FHOD3: variants seen among roughly 807,000 people sequenced by gnomAD.
FHOD3 encodes formin homology 2 domain containing 3, also known as FH1/FH2 domain-containing protein 3.
A neutral mutation model predicts 173.0 loss-of-function variants in FHOD3; 90 were observed. That is an observed-to-expected ratio of 0.52 (90% CI 0.44 to 0.62). FHOD3 has a LOEUF of 0.62. Among genes scored for constraint, FHOD3 ranks in the 20% least tolerant of loss-of-function variants. The probability of loss-of-function intolerance (pLI) is 0.00; values close to 1 mark genes in which losing one functional copy is unlikely to be tolerated. For missense variants in FHOD3, 1,945 were observed against 2,034.7 expected (o/e 0.96, Z 0.85); for synonymous variants, 828 against 823.0 (o/e 1.01, Z -0.10).
intron 17 of FHOD3, among the ~76,000 whole-genome samples, chr18:36,705,170 T>G (rs2039803827): frequency 1.3e-5 from 2 of 152,066 alleles, no homozygotes; most frequent in Non-Finnish European, 2.9e-5. Context: ...TCACTGTCCT[T>G]AGAGTAAAGT....
intron 16 of FHOD3, among the ~76,000 whole-genome samples, chr18:36,690,668 G>A (rs1040044604): frequency 3.9e-5 from 6 of 152,034 alleles, no homozygotes; most frequent in Non-Finnish European, 4.4e-5. Flanking sequence ...GCAGATGAAC[G>A]CTGCTGCTGC....
intron 5 of FHOD3, among the ~76,000 whole-genome samples, chr18:36,535,147 T>C (rs570328647): frequency 5.9e-5 from 9 of 152,312 alleles, no homozygotes; most frequent in Admixed American, 2.6e-4. Context: ...CCCTGAAGCA[T>C]TGGGCTGTGA....
intron 9 of FHOD3, among the ~76,000 whole-genome samples, chr18:36,618,640 G>A (rs2033447506): frequency 6.6e-6 from 1 of 152,124 alleles, no homozygotes; most frequent in Admixed American, 6.6e-5. Flanking sequence ...AAAAGGTGCT[G>A]TTGGAATTCT....
chr18:36,512,407 T>A (rs751313305), intron 4 of FHOD3, 31 bp from the exon 5 acceptor site: 140 of 1,515,902 alleles, frequency 9.2e-5, no homozygotes, highest in Non-Finnish European at 1.2e-4. Flanking sequence ...AGGGACAGTA[T>A]TTGAAGTATT....
At chr18:36,310,408 G>A (rs1024854527) in intron 1 of FHOD3, among the ~76,000 whole-genome samples, 9 of 152,094 alleles carry the variant, frequency 5.9e-5, no homozygotes, top group African/African-American at 1.2e-4. Context: ...ACTTGGGGCC[G>A]GGTGCAGTGG....
At chr18:36,629,126 G>A (rs572071889) in intron 10 of FHOD3, among the ~76,000 whole-genome samples, 1 of 152,320 alleles carries the variant, frequency 6.6e-6, no homozygotes, top group South Asian at 2.1e-4. Context: ...AACTGGTTAG[G>A]GAGTGGAGGG....
chr18:36,662,880 G>A (rs1006249474), intron 14 of FHOD3, among the ~76,000 whole-genome samples: 6 of 152,134 alleles, frequency 3.9e-5, no homozygotes, highest in Middle Eastern at 3.4e-3. Flanking sequence ...CAATCCCCTG[G>A]TAACCATCAT....
At chr18:36,431,383 G>A (rs941593746) in intron 3 of FHOD3, among the ~76,000 whole-genome samples, 7 of 152,184 alleles carry the variant, frequency 4.6e-5, no homozygotes, top group African/African-American at 1.7e-4. Context: ...GATGGTAAGA[G>A]GGACTGGGAA....
At chr18:36,462,488 C>T (rs981342550) in intron 3 of FHOD3, among the ~76,000 whole-genome samples, 6 of 152,172 alleles carry the variant, frequency 3.9e-5, no homozygotes, top group South Asian at 2.1e-4. Flanking sequence ...CCTGCCACCA[C>T]GCCCAGCTAA....
At chr18:36,363,220 T>G (rs2046721434) in intron 2 of FHOD3, among the ~76,000 whole-genome samples, 1 of 152,352 alleles carries the variant, frequency 6.6e-6, no homozygotes, top group South Asian at 2.1e-4. Context: ...ACACGGCCAC[T>G]TTGGAAGACA....
intron 3 of FHOD3, among the ~76,000 whole-genome samples, chr18:36,461,390 A>G (rs2052544498): frequency 6.6e-6 from 1 of 151,644 alleles, no homozygotes; most frequent in Non-Finnish European, 1.5e-5. Flanking sequence ...CTGGGAATAA[A>G]GTTTTTTACT....
intron 5 of FHOD3, among the ~76,000 whole-genome samples, chr18:36,558,378 G>A (rs1354501572): frequency 6.6e-6 from 1 of 152,132 alleles, no homozygotes; most frequent in Non-Finnish European, 1.5e-5. Flanking sequence ...GCTGTCTAGT[G>A]TCTTGAAAAG....
At chr18:36,649,748 C>A (rs534937944) in intron 11 of FHOD3, among the ~76,000 whole-genome samples, 17 of 152,218 alleles carry the variant, frequency 1.1e-4, no homozygotes, top group Admixed American at 2.0e-4. Context: ...AGATTCTTGC[C>A]CTTTCAGCAT....
intron 8 of FHOD3, among the ~76,000 whole-genome samples, chr18:36,603,211 A>G (rs1343189227): frequency 6.6e-6 from 1 of 152,208 alleles, no homozygotes; most frequent in Non-Finnish European, 1.5e-5. Flanking sequence ...TATAGTAGCC[A>G]TAGGGAACTA....
chr18:36,491,033 G>A (rs1215755051), intron 3 of FHOD3, among the ~76,000 whole-genome samples: 1 of 152,180 alleles, frequency 6.6e-6, no homozygotes, highest in Admixed American at 6.5e-5. Flanking sequence ...ACTGCCAGGG[G>A]CTGGAGGGAA....
intron 10 of FHOD3, among the ~76,000 whole-genome samples, chr18:36,638,801 A>G (rs2035072560): frequency 6.6e-6 from 1 of 152,154 alleles, no homozygotes; most frequent in African/African-American, 2.4e-5. Context: ...CATTAGAGAC[A>G]GTGTCAGTCA....
At chr18:36,502,280 G>A (rs1165452470) in intron 4 of FHOD3, among the ~76,000 whole-genome samples, 3 of 139,030 alleles carry the variant, frequency 2.2e-5, no homozygotes, top group African/African-American at 7.6e-5. Flanking sequence ...TTAAGTTCTG[G>A]GACACATGTG....
chr18:36,621,669 C>T (rs1317159347), intron 9 of FHOD3, among the ~76,000 whole-genome samples: 1 of 152,130 alleles, frequency 6.6e-6, no homozygotes, highest in Non-Finnish European at 1.5e-5. Context: ...TTCCATTGGC[C>T]AAAGCAAGCC....
chr18:36,718,832 A>G, intron 19 of FHOD3, 117 bp downstream of exon 19: 1 of 1,486,202 alleles, frequency 6.7e-7, no homozygotes, highest in Non-Finnish European at 8.9e-7. Context: ...GTCCATTGGT[A>G]TGAAAATTTG....
Sources: gnomAD v4.1 joint callset for allele counts (sites outside exome capture counted in the v4.1 genomes callset) on GRCh38, gnomAD v4.1.1 for gene constraint, MANE v1.5 for transcripts, NCBI Gene and HGNC (gene_info 2026-07-23, HGNC 2026-07-21) for gene names.